WDPCP: variants seen among roughly 807,000 people sequenced by gnomAD.
The protein encoded by WDPCP is WD repeat-containing and planar cell polarity effector protein fritz homolog.
WDPCP carries 71 observed loss-of-function variants against 93.1 expected under a neutral mutation model. The observed-to-expected ratio is 0.76, with a 90% CI of 0.63 to 0.93. The LOEUF is 0.93. WDPCP is among the 40% of genes least tolerant of loss of function. The pLI is 0.00. For synonymous variants in WDPCP, 315 were observed against 315.0 expected (o/e 1.00, Z 0.00); for missense variants, 844 against 887.4 (o/e 0.95, Z 0.62).
At chr2:63,269,101 G>A (rs1303745823) in intron 13 of WDPCP, among the ~76,000 whole-genome samples, 2 of 151,772 alleles carry the variant, frequency 1.3e-5, no homozygotes, top group African/African-American at 4.8e-5. Context: ...AGTCTAAATG[G>A]ACAATATACA....
At chr2:63,517,520 A>T (rs1266226376) in intron 1 of WDPCP, among the ~76,000 whole-genome samples, 2 of 152,172 alleles carry the variant, frequency 1.3e-5, no homozygotes, top group African/African-American at 4.8e-5. Context: ...TTTCTAGCAG[A>T]ACACTTTTTC....
chr2:63,198,888 G>A (rs1675667808), intron 14 of WDPCP, among the ~76,000 whole-genome samples: 1 of 152,178 alleles, frequency 6.6e-6, no homozygotes, highest in Admixed American at 6.5e-5. Flanking sequence ...ACAGGAAGAT[G>A]AGGGAAAGTT....
At position 63,588,267 on chromosome 2, in the gene WDPCP, C is replaced by T. The variant is rs201510161; in HGVS notation, c.5G>A (p.Arg2Lys). The T allele has an allele frequency of 1.9e-6, 3 of 1,574,186 alleles. No homozygotes were observed. Among genetic ancestry groups the T allele is most frequent in the Non-Finnish European group, 2.6e-6 (3 of 1,157,306 alleles). ...GTAGGCGTCCCAGCAAAACTCTCGC[C>T]TCATCACCAGACACTACCCCGGGCA... M[R>K]REFCWDAYSK... Residue 2 changes from arginine (R) to lysine (K), a missense_variant, in exon 1 of 18, where the codon AGG becomes AAG. Arg to Lys is a conservative substitution (Grantham distance 26). Coordinates refer to ENST00000272321, the MANE Select transcript of WDPCP (RefSeq NM_015910.7).
Position 63,140,278 on chromosome 2 carries a change from C to CT in WDPCP, c.2190+12635dup, listed in dbSNP as rs558397866. On this transcript the variant is annotated intron_variant, in intron 17 of 17. Coordinates refer to ENST00000272321, the MANE Select transcript of WDPCP (RefSeq NM_015910.7). ...TCTAGATTTGTTCTTTTTGCTTAGT[C>CT]TGCTTTGGCTGTGTGGGCTCTTTCT... is the stretch of plus-strand genomic sequence containing the variant. Among the ~76,000 whole-genome samples the CT allele has an allele frequency of 1.8e-3, 276 of 152,092 alleles. 2 individuals carry two copies. Among genetic ancestry groups the CT allele is most frequent in the African/African-American group, 6.2e-3 (259 of 41,496 alleles).
At position 63,124,392 on chromosome 2, in the gene WDPCP, T is replaced by G. The variant is rs535240039; in HGVS notation, c.2191-2336A>C. ...GTAATTTTACAGCAACGAAAGGGTT[T>G]TCCCCAGTCCCTCATTGCTTTCTAC... On this transcript the variant is annotated intron_variant, in intron 17 of 17. Transcript: ENST00000272321. Among the ~76,000 whole-genome samples the G allele has an allele frequency of 1.2e-4, 19 of 152,240 alleles. 1 individual carries two copies. Among genetic ancestry groups the G allele is most frequent in the Admixed American group, 3.3e-4 (5 of 15,270 alleles).
intron 1 of WDPCP, among the ~76,000 whole-genome samples, chr2:63,576,243 C>G (rs1385656126): frequency 6.6e-6 from 1 of 152,116 alleles, no homozygotes; most frequent in Non-Finnish European, 1.5e-5. Flanking sequence ...TCCCCCACCC[C>G]CCACTTCTGA....
intron 1 of WDPCP, among the ~76,000 whole-genome samples, chr2:63,526,465 A>G (rs1225733209): frequency 1.3e-5 from 2 of 152,212 alleles, no homozygotes; most frequent in African/African-American, 2.4e-5. Context: ...ATTAAGAGGA[A>G]AGATACAGGG....
chr2:63,618,760 C>G (rs1019475219), intron 3 of WDPCP, among the ~76,000 whole-genome samples: 3 of 151,284 alleles, frequency 2.0e-5, no homozygotes, highest in African/African-American at 7.3e-5. Flanking sequence ...GCGCAATCTC[C>G]GCTCACCGCA....
At chr2:63,677,228 A>G (rs1167084001) in intron 2 of WDPCP, among the ~76,000 whole-genome samples, 1 of 152,208 alleles carries the variant, frequency 6.6e-6, no homozygotes, top group Non-Finnish European at 1.5e-5. Context: ...CACTAGGCCC[A>G]TTCCCTTCAG....
intron 1 of WDPCP, chr2:63,518,066 T>C (rs1416672243): frequency 6.6e-6 from 1 of 152,158 alleles, no homozygotes; most frequent in Non-Finnish European, 1.5e-5. Context: ...TTTTGTACTT[T>C]TAGTAGAGAT....
chr2:63,700,398 CAG>C (rs1285554157), intron 2 of WDPCP, among the ~76,000 whole-genome samples: 1 of 150,902 alleles, frequency 6.6e-6, no homozygotes, highest in African/African-American at 2.4e-5. Flanking sequence ...TGGAAAAGGT[CAG>C]ATACAAGACT....
At chr2:63,492,307 C>CA (rs1700931106) in intron 2 of WDPCP, among the ~76,000 whole-genome samples, 1 of 151,982 alleles carries the variant, frequency 6.6e-6, no homozygotes, top group East Asian at 1.9e-4. Context: ...TCTCCCCCCC[C>CA]AAAATTGTGA....
intron 3 of WDPCP, among the ~76,000 whole-genome samples, chr2:63,639,249 C>T (rs1709954383): frequency 6.6e-6 from 1 of 152,128 alleles, no homozygotes; most frequent in Admixed American, 6.5e-5. Flanking sequence ...AAAAAGAGAT[C>T]CTCCTGCTTC....
At chr2:63,278,446 G>GCA (rs1342826815) in intron 13 of WDPCP, among the ~76,000 whole-genome samples, 4 of 49,416 alleles carry the variant, frequency 8.1e-5, no homozygotes, top group African/African-American at 2.2e-4. Flanking sequence ...TTGAAACAAC[G>GCA]CAAAAAAAAT....
chr2:63,485,194 T>G (rs1283692832), intron 4 of WDPCP, among the ~76,000 whole-genome samples: 1 of 151,866 alleles, frequency 6.6e-6, no homozygotes, highest in Non-Finnish European at 1.5e-5. Flanking sequence ...TAACCATAAT[T>G]TTACAATGAC....
intron 2 of WDPCP, among the ~76,000 whole-genome samples, chr2:63,746,090 G>A (rs1034308665): frequency 1.3e-5 from 2 of 152,130 alleles, no homozygotes; most frequent in African/African-American, 4.8e-5. Flanking sequence ...CAGAGGGACT[G>A]GCTGAAGCCA....
chr2:63,151,566 AT>A (rs1466406133), intron 17 of WDPCP, among the ~76,000 whole-genome samples: 2 of 152,242 alleles, frequency 1.3e-5, no homozygotes, highest in Admixed American at 1.3e-4. Context: ...TTCTAAAAAA[AT>A]AAGCTATTTA....
chr2:63,720,038 G>C (rs1669392240), intron 2 of WDPCP, among the ~76,000 whole-genome samples: 1 of 151,726 alleles, frequency 6.6e-6, no homozygotes, highest in East Asian at 1.9e-4. Flanking sequence ...TCTTCTTTTT[G>C]GTATTCTGAA....
intron 3 of WDPCP, among the ~76,000 whole-genome samples, chr2:63,649,452 T>A (rs781477211): frequency 6.6e-6 from 1 of 152,250 alleles, no homozygotes; most frequent in Non-Finnish European, 1.5e-5. Context: ...CATTAGTTGA[T>A]AGTCACTTAG....
Sources: gnomAD v4.1 joint callset for allele counts (sites outside exome capture counted in the v4.1 genomes callset) on GRCh38, gnomAD v4.1.1 for gene constraint, MANE v1.5 for transcripts, NCBI Gene and HGNC (gene_info 2026-07-23, HGNC 2026-07-21) for gene names.